SEMA3E: variants seen among roughly 807,000 people sequenced by gnomAD.
SEMA3E encodes semaphorin-3E.
A neutral mutation model predicts 93.6 loss-of-function variants in SEMA3E; 49 were observed. The ratio of observed to expected loss-of-function variants is 0.52; its 90% CI spans 0.42 to 0.66. SEMA3E has a LOEUF of 0.66. SEMA3E is among the 30% of genes least tolerant of loss of function. The pLI, the probability that SEMA3E is intolerant of heterozygous loss-of-function variation, is 0.00. For synonymous variants in SEMA3E, 363 were observed against 330.7 expected, an observed-to-expected ratio of 1.10 and a Z score of -1.06; for missense variants, 906 against 964.8, an observed-to-expected ratio of 0.94 and a Z score of 0.81.
intron 1 of SEMA3E, among the ~76,000 whole-genome samples, chr7:83,513,118 C>T (rs746262253): frequency 2.0e-5 from 3 of 152,134 alleles, no homozygotes; most frequent in Non-Finnish European, 2.9e-5. Context: ...TGTTCCAGTT[C>T]TTTGTTTTTG....
chr7:83,506,447 T>C (rs1019039345), intron 1 of SEMA3E, among the ~76,000 whole-genome samples: 1 of 151,912 alleles, frequency 6.6e-6, no homozygotes, highest in Non-Finnish European at 1.5e-5. Context: ...AGCAGAAGGA[T>C]AGTTCCCAGA....
chr7:83,599,417 G>T (rs559011013), intron 1 of SEMA3E, among the ~76,000 whole-genome samples: 1 of 152,130 alleles, frequency 6.6e-6, no homozygotes, highest in Non-Finnish European at 1.5e-5. Context: ...TAATCTCATG[G>T]ATGCCAAAAT....
In SEMA3E at chr7:83,400,186, C is replaced by T. The variant is rs376950350; in HGVS notation, c.1208G>A (p.Arg403Gln). 47 of 1,613,778 alleles carry T rather than the reference C, an allele frequency of 2.9e-5. No individual in the cohort carries two copies. The highest frequency in any genetic ancestry group is 3.6e-5 in the Non-Finnish European group (43 of 1,179,942). The change falls in exon 11 of 17, where the codon CGA becomes CAA. Residue 403 changes from arginine (R) to glutamine (Q), a missense_variant. Physicochemically the swap from Arg to Gln is conservative, Grantham distance 43. Transcript: ENST00000643230. Reference protein sequence around the residue: ...TTKDYPDDAIRFARSHPLMYQ... With the variant: ...TTKDYPDDAIQFARSHPLMYQ... The stretch of plus-strand genomic sequence containing the variant: ...CATTAGTGGATGACTTCTTGCAAAT[C>T]GGATGGCATCATCAGGATAGTCCTT...
intron 1 of SEMA3E, among the ~76,000 whole-genome samples, chr7:83,627,025 T>A (rs1256690123): frequency 6.6e-6 from 1 of 152,222 alleles, no homozygotes; most frequent in Non-Finnish European, 1.5e-5. Flanking sequence ...TTTGAGTGAT[T>A]TTCTTAATCC....
intron 1 of SEMA3E, among the ~76,000 whole-genome samples, chr7:83,507,065 G>A (rs1790718262): frequency 6.6e-6 from 1 of 152,136 alleles, no homozygotes; most frequent in Non-Finnish European, 1.5e-5. Flanking sequence ...GCCAGCTGGA[G>A]GCAAGAGCAA....
intron 2 of SEMA3E, among the ~76,000 whole-genome samples, chr7:83,478,047 A>G (rs1034438473): frequency 1.3e-5 from 2 of 151,934 alleles, no homozygotes; most frequent in East Asian, 1.9e-4. Context: ...CAGCCTCCCA[A>G]CTAGCTGGGA....
Position 83,600,486 on chromosome 7 carries a change from A to ATTTTTTTTTTTTT in SEMA3E, c.115+47929_115+47941dup, listed in dbSNP as rs71522671. Among the ~76,000 whole-genome samples, 133 of 63,072 alleles carry ATTTTTTTTTTTTT rather than the reference A, an allele frequency of 2.1e-3. 1 individual carries two copies. Among genetic ancestry groups the ATTTTTTTTTTTTT allele is most frequent in the Non-Finnish European group, 2.9e-3 (98 of 33,836 alleles). 41.4% of individuals were successfully genotyped at this position (63,072 alleles called of 152,430 possible). ...AGGCGCCCGCCACCACGCCCAGCTA[A>ATTTTTTTTTTTTT]TTTTTTTTTTTTTTTTTTTTTTTTT... On this transcript the variant is annotated intron_variant, in intron 1 of 16. Coordinates refer to ENST00000643230, the MANE Select transcript of SEMA3E (RefSeq NM_012431.3).
intron 5 of SEMA3E, 34 bp from the exon 6 acceptor site, chr7:83,408,521 A>T: frequency 1.9e-6 from 3 of 1,609,914 alleles, no homozygotes; most frequent in Non-Finnish European, 2.5e-6. Context: ...AGAAGTCAGT[A>T]TTTGTTAATA....
chr7:83,555,003 TGGAAA>T (rs1791857794), intron 1 of SEMA3E, among the ~76,000 whole-genome samples: 1 of 122,454 alleles, frequency 8.2e-6, no homozygotes, highest in Non-Finnish European at 1.8e-5. Flanking sequence ...TAAATAAAAA[TGGAAA>T]AAAAAAAGAC....
At chr7:83,418,031 G>C (rs989554543) in intron 5 of SEMA3E, among the ~76,000 whole-genome samples, 1 of 152,054 alleles carries the variant, frequency 6.6e-6, no homozygotes, top group East Asian at 1.9e-4. Context: ...CAAAATAATT[G>C]AAACATGAAG....
At chr7:83,465,314 C>T (rs1319684066) in intron 4 of SEMA3E, among the ~76,000 whole-genome samples, 1 of 152,130 alleles carries the variant, frequency 6.6e-6, no homozygotes, top group East Asian at 1.9e-4. Flanking sequence ...CGCCTGCACC[C>T]AGGTGAAATA....
intron 1 of SEMA3E, among the ~76,000 whole-genome samples, chr7:83,519,554 T>C (rs1208213739): frequency 6.6e-6 from 1 of 152,144 alleles, no homozygotes; most frequent in Admixed American, 6.6e-5. Context: ...TGTTTTCTTC[T>C]CGTCTCCCTA....
intron 16 of SEMA3E, 55 bp from the exon 17 acceptor site, chr7:83,368,093 T>A: frequency 6.7e-7 from 1 of 1,490,894 alleles, no homozygotes; most frequent in Admixed American, 1.7e-5. Flanking sequence ...AAAATAACAA[T>A]CCATCACCCT....
intron 1 of SEMA3E, among the ~76,000 whole-genome samples, chr7:83,518,291 A>G (rs185924665): frequency 2.0e-4 from 30 of 152,102 alleles, no homozygotes; most frequent in Non-Finnish European, 2.4e-4. Flanking sequence ...TAACGTGTTC[A>G]TTTGCCAAAT....
intron 14 of SEMA3E, 25 bp downstream of exon 14, chr7:83,392,530 T>C (rs1401032020): frequency 1.9e-6 from 3 of 1,607,122 alleles, no homozygotes; most frequent in Non-Finnish European, 2.5e-6. Flanking sequence ...GCAAGGGAAA[T>C]AGTTAATCAG....
intron 1 of SEMA3E, among the ~76,000 whole-genome samples, chr7:83,533,068 A>G (rs2115733130): frequency 9.0e-6 from 1 of 111,434 alleles, no homozygotes; most frequent in Non-Finnish European, 2.3e-5. Flanking sequence ...TGTCATCACA[A>G]GTCACTCTGT....
chr7:83,459,195 TAAA>T (rs1789558913), intron 4 of SEMA3E, among the ~76,000 whole-genome samples: 2 of 151,808 alleles, frequency 1.3e-5, no homozygotes, highest in African/African-American at 2.4e-5. Context: ...GACAAAATCT[TAAA>T]AGATAAAGCA....
At chr7:83,486,698 G>A (rs1279206991) in intron 2 of SEMA3E, among the ~76,000 whole-genome samples, 1 of 152,128 alleles carries the variant, frequency 6.6e-6, no homozygotes, top group Admixed American at 6.6e-5. Context: ...AAGAAATGCA[G>A]GTGGGGCTGA....
chr7:83,643,618 TTGTC>T (rs1794042246), intron 1 of SEMA3E, among the ~76,000 whole-genome samples: 1 of 151,952 alleles, frequency 6.6e-6, no homozygotes, highest in African/African-American at 2.4e-5. Flanking sequence ...TGGACAATAT[TTGTC>T]TGTAGCAAAT....
Sources: allele counts gnomAD v4.1 joint callset (sites outside exome capture counted in the v4.1 genomes callset), GRCh38; gene constraint gnomAD v4.1.1; transcripts MANE v1.5; gene names NCBI Gene and HGNC (gene_info 2026-07-23, HGNC 2026-07-21).